The following IRAK4 variants were observed in gnomAD, a reference collection of about 807,000 sequenced individuals.
IRAK4 encodes the protein interleukin 1 receptor associated kinase 4.
IRAK4 carries 44 observed loss-of-function variants against 51.8 expected under a neutral mutation model. The ratio of observed to expected loss-of-function variants is 0.85; its 90% CI spans 0.67 to 1.09. The LOEUF is 1.09. Among genes scored for constraint, IRAK4 ranks in the 50% least tolerant of loss-of-function variants. IRAK4 has a pLI of 0.00. For synonymous variants in IRAK4, 149 were observed against 174.1 expected, an observed-to-expected ratio of 0.86 and a Z score of 1.13; for missense variants, 487 against 538.0, an observed-to-expected ratio of 0.91 and a Z score of 0.94.
chr12:43,788,334 C>G lies in IRAK4; in HGVS notation c.*1619C>G, dbSNP rs1278308924. 6.6e-6 allele frequency: 1 copy of G among 152,160 alleles called. No homozygotes were observed. Among genetic ancestry groups the G allele is most frequent in the Non-Finnish European group, 1.5e-5 (1 of 68,084 alleles). The allele number at this position is 152,160 out of a possible 1,614,324, so 9.4% of individuals were successfully genotyped here. On this transcript the variant is annotated 3_prime_UTR_variant, in exon 12 of 12. Coordinates refer to ENST00000613694, the MANE Select transcript of IRAK4 (RefSeq NM_016123.4). ...GCCTAGTAGAGCTATGGGAAGGGTG[C>G]TGCCACCCTCCAGACTTGAGAATTG...
At chr12:43,774,325 A>G (rs1475180463) in intron 6 of IRAK4, among the ~76,000 whole-genome samples, 1 of 152,086 alleles carries the variant, frequency 6.6e-6, no homozygotes, top group Non-Finnish European at 1.5e-5. Context: ...GCTCACTGCA[A>G]CCTCTGCCTC....
In IRAK4 at chr12:43,786,507, G is replaced by A. The variant is rs772098333; in HGVS notation, c.1297G>A (p.Ala433Thr). The A allele has an allele frequency of 3.1e-6, 5 of 1,613,520 alleles. No homozygotes were observed. The East Asian group carries it at 6.7e-5, about 22-fold the overall frequency. Residue 433 changes from alanine (A) to threonine (T), a missense_variant, in exon 11 of 12, where the codon GCT becomes ACT. Ala to Thr is a moderately conservative substitution (Grantham distance 58, BLOSUM62 0). Transcript: ENST00000613694. ...TTCAGTTGAAGCTATGTACTCTGTT[G>A]CTAGTCAATGTCTGCATGAAAAGAA... ...STSVEAMYSVASQCLHEKKNK... is the reference protein window; with the variant it reads ...STSVEAMYSVTSQCLHEKKNK...
intron 1 of IRAK4, among the ~76,000 whole-genome samples, chr12:43,762,694 AG>A (rs1939694189): frequency 6.6e-6 from 1 of 152,228 alleles, no homozygotes; most frequent in Non-Finnish European, 1.5e-5. Context: ...AAGAATGACT[AG>A]GTGACATTTT....
chr12:43,787,002 G>T lies in IRAK4; in HGVS notation c.*287G>T, dbSNP rs1451598624. 2 of 434,770 alleles carry T rather than the reference G, an allele frequency of 4.6e-6. No homozygotes were observed. Among genetic ancestry groups the T allele is most frequent in the Non-Finnish European group, 8.2e-6 (2 of 243,256 alleles). 26.9% of individuals were successfully genotyped at this position (434,770 alleles called of 1,614,324 possible). ...GAAAATTACAGGGTTAGCAAAAAGA[G>T]CCTGGGCTGTATGTAGGGTGGAAAC... On this transcript the variant is annotated 3_prime_UTR_variant, in exon 12 of 12. Coordinates refer to ENST00000613694, the MANE Select transcript of IRAK4 (RefSeq NM_016123.4).
At chr12:43,769,700 A>C (rs1374516120) in intron 2 of IRAK4, among the ~76,000 whole-genome samples, 1 of 152,198 alleles carries the variant, frequency 6.6e-6, no homozygotes, top group African/African-American at 2.4e-5. Flanking sequence ...AGTATGAAAG[A>C]GAAGGGTACA....
Position 43,768,244 on chromosome 12 carries a change from G to A in IRAK4, c.133G>A (p.Asp45Asn). 6.2e-7 allele frequency: 1 copy of A among 1,612,370 alleles called. No homozygotes were observed. The highest frequency in any genetic ancestry group is 8.5e-7 in the Non-Finnish European group (1 of 1,178,804). The change falls in exon 2 of 12, where the codon GAT becomes AAT. Residue 45 changes from aspartate (D) to asparagine (N), a missense_variant. Coordinates refer to ENST00000613694, the MANE Select transcript of IRAK4 (RefSeq NM_016123.4). The part of the protein sequence containing the change: ...LAVAIKKPSG[D>N]DRYNQFHIRR... Reference sequence around the variant, plus strand: ...TGTAGCTATTAAAAAACCATCTGGTGATGATAGATACAATCAGTTTCACAT... The same window carrying A: ...TGTAGCTATTAAAAAACCATCTGGTAATGATAGATACAATCAGTTTCACAT...
chr12:43,776,122 T>C (rs1941248705), intron 6 of IRAK4, among the ~76,000 whole-genome samples: 1 of 151,998 alleles, frequency 6.6e-6, no homozygotes, highest in Admixed American at 6.6e-5. Context: ...GACGTCGTGA[T>C]CTGCCTGCCT....
intron 3 of IRAK4, 78 bp from the exon 4 acceptor site, chr12:43,772,102 A>G: frequency 8.8e-7 from 1 of 1,136,352 alleles, no homozygotes; most frequent in Non-Finnish European, 1.3e-6. Flanking sequence ...ATATTAAATG[A>G]ACCAAGTTTC....
intron 1 of IRAK4, among the ~76,000 whole-genome samples, chr12:43,765,611 A>G (rs1364954036): frequency 6.8e-6 from 1 of 147,578 alleles, no homozygotes; most frequent in Non-Finnish European, 1.5e-5. Context: ...GTATGAGTTT[A>G]TTTTGGAAAT....
intron 8 of IRAK4, among the ~76,000 whole-genome samples, chr12:43,778,693 G>A (rs969095876): frequency 6.6e-6 from 1 of 151,682 alleles, no homozygotes; most frequent in South Asian, 2.1e-4. Flanking sequence ...CCTACTATAA[G>A]TAACATATTC....
At chr12:43,782,576 T>A in intron 9 of IRAK4, 86 bp downstream of exon 9, 1 of 1,089,170 alleles carries the variant, frequency 9.2e-7, no homozygotes, top group South Asian at 1.4e-5. Context: ...ACACCCATCT[T>A]GTTTATCTCT....
intron 8 of IRAK4, among the ~76,000 whole-genome samples, chr12:43,781,737 A>G (rs4251522): frequency 0.084 from 12,794 of 152,232 alleles, 1,301 homozygotes; most frequent in African/African-American, 0.24. Flanking sequence ...ATACTACACA[A>G]CATAGGGAGT....
In IRAK4 at chr12:43,786,517, G is replaced by C. The variant is rs776143317; in HGVS notation, c.1307G>C (p.Cys436Ser). The C allele has an allele frequency of 1.2e-6, 2 of 1,613,484 alleles. No individual in the cohort carries two copies. The highest frequency in any genetic ancestry group is 2.2e-5 in the South Asian group (2 of 90,970). Residue 436 changes from cysteine (C) to serine (S), a missense_variant, in exon 11 of 12, where the codon TGT becomes TCT. Cys to Ser is a moderately radical substitution (Grantham distance 112). Transcript: ENST00000613694. Reference protein sequence around the residue: ...VEAMYSVASQCLHEKKNKRPD... With the variant: ...VEAMYSVASQSLHEKKNKRPD... ...GCTATGTACTCTGTTGCTAGTCAATGTCTGCATGAAAAGAAAAATAAGAGA... is the reference window on the plus strand; with the variant it reads ...GCTATGTACTCTGTTGCTAGTCAATCTCTGCATGAAAAGAAAAATAAGAGA...
intron 1 of IRAK4, among the ~76,000 whole-genome samples, chr12:43,763,701 A>C (rs1939814692): frequency 2.8e-5 from 4 of 141,722 alleles, no homozygotes; most frequent in South Asian, 2.3e-4. Flanking sequence ...CTACCCCTCC[A>C]CCCCCATTTT....
chr12:43,773,006 A>G lies in IRAK4; in HGVS notation c.585A>G (p.Gly195=). 6.2e-7 allele frequency: 1 copy of G among 1,612,808 alleles called. No individual in the cohort carries two copies. The highest frequency in any genetic ancestry group is 8.5e-7 in the Non-Finnish European group (1 of 1,179,200). Residue 195 remains glycine (G), a synonymous_variant, in exon 5 of 12, where the codon GGA becomes GGG. Coordinates refer to ENST00000613694, the MANE Select transcript of IRAK4 (RefSeq NM_016123.4). The part of the protein sequence containing the change: ...ISVGGNKMGE[G]GFGVVYKGYV... ...TTGGTGGTAATAAAATGGGAGAGGG[A>G]GGATTTGGAGTTGTATATAAAGGCT...
intron 1 of IRAK4, among the ~76,000 whole-genome samples, chr12:43,764,692 A>G (rs768703694): frequency 7.2e-5 from 11 of 152,200 alleles, no homozygotes; most frequent in Non-Finnish European, 1.3e-4. Flanking sequence ...GTTGAAACTC[A>G]CAGAATTGCC....
intron 1 of IRAK4, among the ~76,000 whole-genome samples, chr12:43,761,152 C>T (rs1939509212): frequency 1.3e-5 from 2 of 152,160 alleles, no homozygotes; most frequent in Non-Finnish European, 2.9e-5. Context: ...AAGCCCTCAC[C>T]AGCTTTTGTT....
intron 2 of IRAK4, among the ~76,000 whole-genome samples, chr12:43,770,733 A>G (rs1336259564): frequency 3.9e-5 from 6 of 152,128 alleles, no homozygotes; most frequent in Admixed American, 3.9e-4. Flanking sequence ...ACCTATTTTC[A>G]TATGACCTCA....
chr12:43,785,685 AG>A (rs1471358409), intron 10 of IRAK4, among the ~76,000 whole-genome samples: 1 of 150,314 alleles, frequency 6.7e-6, no homozygotes, highest in Non-Finnish European at 1.5e-5. Flanking sequence ...GCCTAATGAC[AG>A]GAATACATTC....
Sources: gnomAD v4.1 joint callset for allele counts (sites outside exome capture counted in the v4.1 genomes callset) on GRCh38, gnomAD v4.1.1 for gene constraint, MANE v1.5 for transcripts, NCBI Gene and HGNC (gene_info 2026-07-23, HGNC 2026-07-21) for gene names.